UPF3B: variants seen among roughly 807,000 people sequenced by gnomAD.
The protein encoded by UPF3B is UPF3B regulator of nonsense mediated mRNA decay, also known as regulator of nonsense transcripts 3B.
A neutral mutation model predicts 40.3 loss-of-function variants in UPF3B; 7 were observed. The ratio of observed to expected loss-of-function variants is 0.17; its 90% CI spans 0.10 to 0.33. UPF3B has a LOEUF of 0.33. Ranked by LOEUF, UPF3B falls within the 10% of genes least tolerant of loss-of-function variation. UPF3B has a pLI of 1.00. For missense variants in UPF3B, 229 were observed against 358.9 expected, an observed-to-expected ratio of 0.64 and a Z score of 2.93; for synonymous variants, 117 against 117.3, an observed-to-expected ratio of 1.00 and a Z score of 0.01.
chrX:119,843,542 G>A (rs2147790524), intron 4 of UPF3B, among the ~76,000 whole-genome samples: 1 of 111,753 alleles, frequency 8.9e-6, no homozygotes, highest in East Asian at 2.8e-4. Context: ...AAAATGAGAC[G>A]CCATGCATTA....
At chrX:119,848,281 C>CAAAAA (rs144679153) in intron 3 of UPF3B, among the ~76,000 whole-genome samples, 24 of 23,885 alleles carry the variant, frequency 1.0e-3, no homozygotes, top group African/African-American at 3.1e-3. Flanking sequence ...GACTCCATCT[C>CAAAAA]AAAAAAAAAA....
rs770978720 is a variant in UPF3B, at chrX:119,822,123, TAAAA to T, written c.494+815_494+818del. The stretch of plus-strand genomic sequence containing the variant: ...TTCATGCTAAGCTTATGTAAGCAAA[TAAAA>T]AAACAAAAGTAACCCTAAAATGTTA... On this transcript the variant is annotated intron_variant, in intron 4 of 6. Transcript: ENST00000636792. Among the ~76,000 whole-genome samples the T allele has an allele frequency of 9.3e-3, 1,048 of 112,161 alleles. 7 individuals are homozygous for T. Among genetic ancestry groups the T allele is most frequent in the Middle Eastern group, 0.051 (11 of 215 alleles).
At chrX:119,852,566 C>T (rs1421975630) in intron 1 of UPF3B, among the ~76,000 whole-genome samples, 1 of 112,934 alleles carries the variant, frequency 8.9e-6, no homozygotes, top group Non-Finnish European at 1.9e-5. Flanking sequence ...GGGGAGTCCC[C>T]TCTTTTCCTC....
intron 4 of UPF3B, among the ~76,000 whole-genome samples, chrX:119,816,484 CAT>C (rs1389410791): frequency 2.7e-5 from 3 of 111,348 alleles, no homozygotes; most frequent in Non-Finnish European, 5.7e-5. Context: ...GTGATTGGTA[CAT>C]GTTTGCTAAA....
At chrX:119,850,895 C>A (rs1242528132) in intron 3 of UPF3B, among the ~76,000 whole-genome samples, 1 of 111,818 alleles carries the variant, frequency 8.9e-6, no homozygotes, top group African/African-American at 3.2e-5. Context: ...TGGACCGCCA[C>A]GCCTGGCTAA....
At chrX:119,848,440 G>C (rs1334117990) in intron 3 of UPF3B, among the ~76,000 whole-genome samples, 2 of 110,987 alleles carry the variant, frequency 1.8e-5, no homozygotes, top group East Asian at 5.6e-4. Flanking sequence ...CAGACACAAG[G>C]TATAATGGTG....
intron 4 of UPF3B, among the ~76,000 whole-genome samples, chrX:119,815,601 C>T (rs2055858518): frequency 8.9e-6 from 1 of 111,757 alleles, no homozygotes; most frequent in South Asian, 3.7e-4. Context: ...TCACAACAGC[C>T]TTGACATTCC....
chrX:119,820,252 T>C (rs1231302480), intron 4 of UPF3B, among the ~76,000 whole-genome samples: 1 of 111,783 alleles, frequency 8.9e-6, no homozygotes, highest in African/African-American at 3.2e-5. Flanking sequence ...GAAGTGATTC[T>C]CCTGTCTGAG....
At chrX:119,837,001 T>C (rs1437944704) in intron 10 of UPF3B, among the ~76,000 whole-genome samples, 2 of 106,143 alleles carry the variant, frequency 1.9e-5, no homozygotes, top group Non-Finnish European at 3.9e-5. Flanking sequence ...TAGAATACAA[T>C]GGCGTGATCT....
intron 3 of UPF3B, among the ~76,000 whole-genome samples, chrX:119,828,865 C>T (rs1603368423): frequency 9.1e-6 from 1 of 109,737 alleles, no homozygotes; most frequent in South Asian, 3.9e-4. Flanking sequence ...GAATTACAGG[C>T]GCCAACCACC....
In UPF3B at chrX:119,852,798, T is replaced by C; in HGVS notation, c.131A>G (p.Lys44Arg). ...SKGEDKQDRN[K>R]EKKEALSKVV... Reference sequence around the variant, plus strand: ...CTTGCTCAGCGCTTCTTTCTTCTCCTTGTTGCGATCCTGCTTATCTTCCCC... The same window carrying C: ...CTTGCTCAGCGCTTCTTTCTTCTCCCTGTTGCGATCCTGCTTATCTTCCCC... Residue 44 changes from lysine to arginine, a missense_variant, in exon 1 of 11, where the codon AAG (lysine) becomes AGG (arginine). By Grantham distance (26) the Lys-to-Arg change is conservative. Coordinates refer to ENST00000276201, the MANE Select transcript of UPF3B (RefSeq NM_080632.3). The C allele has an allele frequency of 8.2e-7, 1 of 1,212,477 alleles. No homozygotes were observed. Among genetic ancestry groups the C allele is most frequent in the African/African-American group, 1.7e-5 (1 of 58,020 alleles).
At chrX:119,811,710 G>T (rs1019507504) in intron 5 of UPF3B, among the ~76,000 whole-genome samples, 16 of 110,182 alleles carry the variant, frequency 1.5e-4, no homozygotes, top group Non-Finnish European at 2.8e-4. Flanking sequence ...CCAGCACTTT[G>T]CGAGGCTAAG....
In UPF3B at chrX:119,807,027, TAAAAAAAAAAAA is replaced by T. The variant is rs1191950024; in HGVS notation, c.*11+436_*11+447del. On this transcript the variant is annotated intron_variant, in intron 6 of 6. Coordinates refer to the UPF3B transcript ENST00000636792. Reference sequence around the variant, plus strand: ...CTGGGCAACAGGGTGAGACCCTGTCTAAAAAAAAAAAAAAAAAAAAAAAAGAAAAAAAAAAAA... The same window carrying T: ...CTGGGCAACAGGGTGAGACCCTGTCTAAAAAAAAAAAAGAAAAAAAAAAAA... 1.1e-3 allele frequency among the ~76,000 whole-genome samples: 24 copies of T among 21,424 alleles called. 1 individual carries two copies. Among genetic ancestry groups the T allele is most frequent in the African/African-American group, 3.1e-3 (19 of 6,179 alleles). The allele number at this position is 21,424 out of a possible 115,157, so 18.6% of individuals were successfully genotyped here.
Position 119,819,542 on chromosome X carries a change from T to G in UPF3B, c.494+3400A>C, listed in dbSNP as rs141725706. ...TCCACCTTACAGTCGGGATTTAGCT[T>G]CTTCTGTCACTTTTTTGTTTCCTAA... On this transcript the variant is annotated intron_variant, in intron 4 of 6. Coordinates refer to the UPF3B transcript ENST00000636792. 7.3e-3 allele frequency among the ~76,000 whole-genome samples: 821 copies of G among 111,772 alleles called. 2 individuals carry two copies. The highest frequency in any genetic ancestry group is 0.013 in the Non-Finnish European group (713 of 53,222).
chrX:119,825,127 C>T (rs1434495201), intron 3 of UPF3B, among the ~76,000 whole-genome samples: 2 of 111,408 alleles, frequency 1.8e-5, no homozygotes, highest in Non-Finnish European at 3.8e-5. Context: ...AAGAAATACC[C>T]GAGTGTGGGT....
At chrX:119,841,812 TATC>T (rs765229785) in intron 5 of UPF3B, 34 bp from the exon 6 acceptor site, 2 of 1,137,475 alleles carry the variant, frequency 1.8e-6, no homozygotes, top group South Asian at 1.8e-5. Context: ...TAATCATACT[TATC>T]AACCCCTAGA....
downstream of UPF3B, among the ~76,000 whole-genome samples, chrX:119,830,876 G>A (rs2056029611): frequency 8.9e-6 from 1 of 111,905 alleles, no homozygotes. Context: ...CAACAACAAT[G>A]CAATAGAACA....
rs1161044637 is a variant in UPF3B at position 119,809,699 on chromosome X, C to T, written c.603-2118G>A. Among the ~76,000 whole-genome samples the T allele has an allele frequency of 4.5e-5, 5 of 111,742 alleles. No individual in the cohort carries two copies. In the South Asian group the frequency reaches 1.1e-3, roughly 25 times the overall value. The stretch of plus-strand genomic sequence containing the variant: ...TCGCGCCACAGCACTGCAGCCTGGG[C>T]GACAGAGTGAGACTCCATCTCAAAA... On this transcript the variant is annotated intron_variant, in intron 5 of 6. Transcript: ENST00000636792.
chrX:119,811,781 G>A lies in UPF3B; in HGVS notation c.602+3419C>T, dbSNP rs1418788957. Among the ~76,000 whole-genome samples the A allele has an allele frequency of 4.5e-5, 5 of 111,583 alleles. No individual in the cohort carries two copies. In the East Asian group the frequency reaches 1.4e-3, roughly 31 times the overall value. On this transcript the variant is annotated intron_variant, in intron 5 of 6. Transcript: ENST00000636792. ...AGCCTGGGCAACATGGGAAAACCCTGTCTTGACAAAAAATACAAAAGTTAG... is the reference window on the plus strand; with the variant it reads ...AGCCTGGGCAACATGGGAAAACCCTATCTTGACAAAAAATACAAAAGTTAG...
Sources: gnomAD v4.1 joint callset for allele counts (sites outside exome capture counted in the v4.1 genomes callset) on GRCh38, gnomAD v4.1.1 for gene constraint, MANE v1.5 for transcripts, NCBI Gene and HGNC (gene_info 2026-07-23, HGNC 2026-07-21) for gene names.